C4orf51: variants seen among roughly 807,000 people sequenced by gnomAD.
C4orf51 encodes uncharacterized protein C4orf51.
A neutral mutation model predicts 25.2 loss-of-function variants in C4orf51; 25 were observed. The ratio of observed to expected loss-of-function variants is 0.99; its 90% CI spans 0.72 to 1.39. The LOEUF is 1.39. C4orf51 is among the 40% of genes most tolerant of loss of function. C4orf51 has a pLI of 0.00. For synonymous variants in C4orf51, 100 were observed against 84.5 expected, an observed-to-expected ratio of 1.18 and a Z score of -1.01; for missense variants, 252 against 239.6, an observed-to-expected ratio of 1.05 and a Z score of -0.34.
intron 2 of C4orf51, among the ~76,000 whole-genome samples, chr4:145,726,021 CCT>C (rs1403921778): frequency 6.6e-6 from 1 of 152,152 alleles, no homozygotes; most frequent in Non-Finnish European, 1.5e-5. Context: ...AGCAGTCTTG[CCT>C]CTCTCTAATT....
chr4:145,688,805 T>C (rs985780097), intron 1 of C4orf51, among the ~76,000 whole-genome samples: 8 of 152,216 alleles, frequency 5.3e-5, no homozygotes, highest in African/African-American at 1.9e-4. Flanking sequence ...ATAGGTGTTT[T>C]TGTAGAACTT....
intron 1 of C4orf51, among the ~76,000 whole-genome samples, chr4:145,685,962 A>T (rs1729131005): frequency 6.6e-6 from 1 of 152,362 alleles, no homozygotes; most frequent in South Asian, 2.1e-4. Context: ...AATAATACAT[A>T]AAGTATGATA....
chr4:145,770,222 T>G (rs1022846369), intron 1 of C4orf51, among the ~76,000 whole-genome samples: 2 of 151,944 alleles, frequency 1.3e-5, no homozygotes, highest in African/African-American at 2.4e-5. Context: ...TTGCTTGAAC[T>G]TGAGAGGTGG....
chr4:145,792,417 A>G, the C4orf51 span, among the ~76,000 whole-genome samples: 1 of 152,338 alleles, frequency 6.6e-6, no homozygotes, highest in East Asian at 1.9e-4. Context: ...ACTACTGTCA[A>G]TATAAATAAA....
chr4:145,683,841 C>A (rs1728979434), intron 1 of C4orf51, among the ~76,000 whole-genome samples: 1 of 152,044 alleles, frequency 6.6e-6, no homozygotes, highest in Non-Finnish European at 1.5e-5. Flanking sequence ...ATGGCAATGG[C>A]AATGATATTT....
intron 2 of C4orf51, among the ~76,000 whole-genome samples, chr4:145,721,344 C>CAAAAAAAA (rs11299166): frequency 9.3e-6 from 1 of 107,378 alleles, no homozygotes; most frequent in African/African-American, 3.3e-5. Context: ...GACTCTGTCT[C>CAAAAAAAA]AAAAAAAAAA....
At chr4:145,729,448 C>T (rs1732314481) in intron 4 of C4orf51, among the ~76,000 whole-genome samples, 1 of 151,936 alleles carries the variant, frequency 6.6e-6, no homozygotes, top group African/African-American at 2.4e-5. Flanking sequence ...ACTACCGGCG[C>T]CCGCCACCAC....
In C4orf51 at chr4:145,701,616, C is replaced by T. The variant is rs1348415221; in HGVS notation, c.307+4984C>T. Reference sequence around the variant, plus strand: ...CTAGACCATCACGGATGCCGAGCTTCGGGTAACTCTCACAGTGGAAGGTAA... The same window carrying T: ...CTAGACCATCACGGATGCCGAGCTTTGGGTAACTCTCACAGTGGAAGGTAA... On this transcript the variant is annotated intron_variant, in intron 2 of 5. Transcript: ENST00000438731. 7.3e-5 allele frequency among the ~76,000 whole-genome samples: 11 copies of T among 151,632 alleles called. No homozygotes were observed. In the East Asian group the frequency reaches 9.7e-4, roughly 13 times the overall value.
At chr4:145,694,392 C>T (rs1463848385) in intron 1 of C4orf51, among the ~76,000 whole-genome samples, 2 of 141,518 alleles carry the variant, frequency 1.4e-5, no homozygotes, top group African/African-American at 5.1e-5. Flanking sequence ...GCCCTCCACC[C>T]GGCCAGCCGC....
intron 1 of C4orf51, among the ~76,000 whole-genome samples, chr4:145,691,035 C>G (rs1283935061): frequency 1.3e-5 from 2 of 151,980 alleles, no homozygotes; most frequent in African/African-American, 4.8e-5. Flanking sequence ...ATTGGTTGAG[C>G]CTGGTAGGTC....
intron 1 of C4orf51, among the ~76,000 whole-genome samples, chr4:145,687,802 T>A (rs572011791): frequency 4.6e-5 from 7 of 152,158 alleles, no homozygotes; most frequent in Non-Finnish European, 8.8e-5. Flanking sequence ...GGAGCACTTG[T>A]TTGTTATAGC....
chr4:145,758,513 T>C (rs1734135208), downstream of C4orf51: 1 of 152,228 alleles, frequency 6.6e-6, no homozygotes, highest in African/African-American at 2.4e-5. Flanking sequence ...ACTGAACTTG[T>C]AGTTTTGAAA....
downstream of C4orf51, among the ~76,000 whole-genome samples, chr4:145,734,828 T>A (rs1027236411): frequency 1.5e-4 from 23 of 152,142 alleles, no homozygotes; most frequent in Non-Finnish European, 7.3e-5. Context: ...CAGATAGGCA[T>A]GGTCAAGGCA....
chr4:145,729,296 G>GGTTTT (rs1560852505), intron 4 of C4orf51, 67 bp downstream of exon 4: 1 of 329,398 alleles, frequency 3.0e-6, no homozygotes, highest in Non-Finnish European at 4.8e-6. Flanking sequence ...GTGGTCATGT[G>GGTTTT]ATTTTTTTTT....
At chr4:145,733,131 C>T (rs1392636274), downstream of C4orf51, among the ~76,000 whole-genome samples, 1 of 152,026 alleles carries the variant, frequency 6.6e-6, no homozygotes, top group Non-Finnish European at 1.5e-5. Flanking sequence ...CCTGCGCCCC[C>T]AAAGCCGCGC....
chr4:145,753,594 A>G (rs1579040165), intron 1 of C4orf51, among the ~76,000 whole-genome samples: 1 of 152,208 alleles, frequency 6.6e-6, no homozygotes. Flanking sequence ...AGTTATATGC[A>G]CAGAGAAGAT....
intron 1 of C4orf51, chr4:145,760,195 G>C (rs1734294860): frequency 6.6e-6 from 1 of 152,224 alleles, no homozygotes; most frequent in Non-Finnish European, 1.5e-5. Context: ...AAAGAGAGAG[G>C]GAAAGGTGAT....
chr4:145,719,948 G>A (rs1235995211), intron 2 of C4orf51, among the ~76,000 whole-genome samples: 2 of 152,166 alleles, frequency 1.3e-5, no homozygotes, highest in Admixed American at 1.3e-4. Flanking sequence ...GCTGGGGAAG[G>A]ACCTCCCATT....
chr4:145,782,335 G>A, the C4orf51 span, among the ~76,000 whole-genome samples: 2 of 152,174 alleles, frequency 1.3e-5, no homozygotes. Context: ...TGAAGCAAAG[G>A]CCCGTTCTTT....
Sources: allele counts gnomAD v4.1 joint callset (sites outside exome capture counted in the v4.1 genomes callset), GRCh38; gene constraint gnomAD v4.1.1; transcripts MANE v1.5; gene names NCBI Gene and HGNC (gene_info 2026-07-23, HGNC 2026-07-21).